The following PRRC2B variants were observed in gnomAD, a reference collection of about 807,000 sequenced individuals.
PRRC2B encodes protein PRRC2B.
PRRC2B carries 68 observed loss-of-function variants against 242.3 expected under a neutral mutation model. The observed-to-expected ratio is 0.28, with a 90% CI of 0.23 to 0.34. PRRC2B has a LOEUF of 0.34. PRRC2B is among the 10% of genes least tolerant of loss of function. The pLI, the probability that PRRC2B is intolerant of heterozygous loss-of-function variation, is 1.00. For missense variants in PRRC2B, 2,835 were observed against 2,954.8 expected (o/e 0.96, Z 0.94); for synonymous variants, 1,228 against 1,173.6 (o/e 1.05, Z -0.95).
chr9:131,420,469 C>T (rs185202996), intron 1 of PRRC2B, among the ~76,000 whole-genome samples: 1 of 10,668 alleles, frequency 9.4e-5, no homozygotes, highest in Non-Finnish European at 3.1e-4. Flanking sequence ...TTCTTTCTTT[C>T]TTTCTTTCTT....
chr9:131,472,398 G>A (rs910097720), intron 14 of PRRC2B, among the ~76,000 whole-genome samples: 6 of 151,930 alleles, frequency 3.9e-5, no homozygotes, highest in Admixed American at 2.0e-4. Flanking sequence ...TCCGCCTCCC[G>A]GGTTCAAGCG....
Position 131,487,155 on chromosome 9 carries a change from T to G in PRRC2B, c.5857-12T>G, listed in dbSNP as rs561064299. ...TGCGGTTACCTCCCCGACCCCGTTT[T>G]CCCGTTCACAGGCCGCCGCTGCCCA... On this transcript the variant is annotated splice_polypyrimidine_tract_variant and intron_variant, in intron 26 of 31. Transcript: ENST00000683519. This position sits in a 1 kb window ranked among gnomAD's most constrained non-coding sequence, Gnocchi z 5.3. 2 of 1,613,062 alleles carry G rather than the reference T, an allele frequency of 1.2e-6. No individual in the cohort carries two copies. The highest frequency in any genetic ancestry group is 3.3e-5 in the Admixed American group (2 of 59,994).
chr9:131,398,960 A>C (rs1837143797), intron 1 of PRRC2B, among the ~76,000 whole-genome samples: 1 of 152,108 alleles, frequency 6.6e-6, no homozygotes, highest in South Asian at 2.1e-4. Flanking sequence ...CCTGGGCGAC[A>C]GAGTGAGACC....
intron 9 of PRRC2B, 97 bp from the exon 10 acceptor site, chr9:131,454,979 C>T (rs961242493): frequency 2.0e-5 from 18 of 894,932 alleles, no homozygotes; most frequent in Middle Eastern, 2.8e-4. Flanking sequence ...ACCTCAGCCT[C>T]GCAAAGTACT....
intron 1 of PRRC2B, among the ~76,000 whole-genome samples, chr9:131,395,478 C>T (rs1392312957): frequency 6.6e-6 from 1 of 152,118 alleles, no homozygotes; most frequent in Non-Finnish European, 1.5e-5. Flanking sequence ...TTCTTTCTTC[C>T]GTAAACCTAG....
intron 6 of PRRC2B, among the ~76,000 whole-genome samples, chr9:131,445,577 C>T (rs558091672): frequency 1.1e-4 from 16 of 152,342 alleles, no homozygotes; most frequent in African/African-American, 3.6e-4. Flanking sequence ...AGTTTAATCT[C>T]CTCATTGGAG....
rs760426470 is a variant in PRRC2B, at chr9:131,477,779, G to A, written c.4442G>A (p.Gly1481Asp). The part of the protein sequence containing the change: ...PDEALPGGLS[G>D]CSSGSGHSPY... ...GAGGCCTTGCCTGGAGGTCTTAGTG[G>A]CTGCAGCAGTGGGAGTGGCCACTCC... Residue 1481 changes from glycine to aspartate, a missense_variant, in exon 17 of 32, where the codon GGC becomes GAC. Coordinates refer to ENST00000683519, the MANE Select transcript of PRRC2B (RefSeq NM_013318.4). The A allele has an allele frequency of 2.5e-6, 4 of 1,610,410 alleles. No individual in the cohort carries two copies. The highest frequency in any genetic ancestry group is 3.3e-5 in the Admixed American group (2 of 59,954).
At chr9:131,376,231 G>A (rs952806979) in intron 1 of PRRC2B, among the ~76,000 whole-genome samples, 2 of 151,684 alleles carry the variant, frequency 1.3e-5, no homozygotes, top group African/African-American at 4.8e-5. Context: ...GCGCGCGTCT[G>A]TAATCCCAGC....
In PRRC2B at chr9:131,481,658, T is replaced by G. The variant is rs997870321; in HGVS notation, c.4901-68T>G. ...GCAAGCTGTGCCTGTGCTTGTTCTT[T>G]AAGAGCTCATAAACTCTCTAGACGG... is the stretch of plus-strand genomic sequence containing the variant. On this transcript the variant is annotated intron_variant, in intron 19 of 31. Transcript: ENST00000683519. 7.8e-6 allele frequency: 10 copies of G among 1,274,060 alleles called. No homozygotes were observed. The South Asian group carries it at 8.9e-5, about 11-fold the overall frequency. 78.9% of individuals were successfully genotyped at this position (1,274,060 alleles called of 1,614,324 possible). A position where few individuals can be genotyped will look rare whatever the true frequency, so the allele number is the denominator to read the frequency against.
At chr9:131,474,125 T>G (rs1943619899) in intron 15 of PRRC2B, among the ~76,000 whole-genome samples, 1 of 152,154 alleles carries the variant, frequency 6.6e-6, no homozygotes, top group Admixed American at 6.5e-5. Context: ...TCTTGCTCTT[T>G]GACCCGGAGG....
At chr9:131,403,687 A>T (rs1440946637) in intron 1 of PRRC2B, among the ~76,000 whole-genome samples, 3 of 151,590 alleles carry the variant, frequency 2.0e-5, no homozygotes, top group African/African-American at 7.3e-5. Context: ...AAACAAAATT[A>T]AAAGCCAAGT....
intron 1 of PRRC2B, among the ~76,000 whole-genome samples, chr9:131,424,862 G>A (rs1284298064): frequency 6.6e-6 from 1 of 152,184 alleles, no homozygotes; most frequent in Non-Finnish European, 1.5e-5. Context: ...ATATTTGTTG[G>A]GTGGTTGAAT....
chr9:131,419,769 A>G (rs1009680429), intron 1 of PRRC2B, among the ~76,000 whole-genome samples: 3 of 151,994 alleles, frequency 2.0e-5, no homozygotes, highest in African/African-American at 7.3e-5. Flanking sequence ...GCGAGATGCA[A>G]ACCCAGTGTT....
chr9:131,446,519 G>C lies in PRRC2B; in HGVS notation c.732G>C (p.Ser244=), dbSNP rs778051277. Residue 244 remains serine, a synonymous_variant, in exon 7 of 32, where the codon TCG becomes TCC. Coordinates refer to ENST00000683519, the MANE Select transcript of PRRC2B (RefSeq NM_013318.4). The surrounding 1 kb of genome is among the most constrained non-coding windows in gnomAD (Gnocchi z 4.1). ...NSSTGDGAPS[S]ACTSDSKDPS... ...GTACGGGAGATGGAGCCCCCTCCTC[G>C]GCATGTACCAGCGATTCTAAGGACC... 2.5e-6 allele frequency: 4 copies of C among 1,613,726 alleles called. No homozygotes were observed. Among genetic ancestry groups the C allele is most frequent in the Non-Finnish European group, 3.4e-6 (4 of 1,179,862 alleles).
At chr9:131,476,845 G>C (rs557091768) in intron 16 of PRRC2B, among the ~76,000 whole-genome samples, 2 of 152,170 alleles carry the variant, frequency 1.3e-5, no homozygotes, top group Non-Finnish European at 2.9e-5. Flanking sequence ...GAGGAACGTT[G>C]CCTGTGCACA....
chr9:131,495,547 G>C (rs1421993102), intron 31 of PRRC2B, among the ~76,000 whole-genome samples, 193 bp from the exon 32 acceptor site: 1 of 152,164 alleles, frequency 6.6e-6, no homozygotes, highest in Non-Finnish European at 1.5e-5. Context: ...TATGGGGAGG[G>C]AGCAGAGACG....
At chr9:131,465,178 G>A (rs1943357086) in intron 12 of PRRC2B, 100 bp downstream of exon 12, 3 of 1,163,972 alleles carry the variant, frequency 2.6e-6, no homozygotes, top group Non-Finnish European at 3.6e-6. Context: ...AGAACGTATG[G>A]CTTACAACGA....
intron 3 of PRRC2B, among the ~76,000 whole-genome samples, chr9:131,435,765 A>G (rs989572290): frequency 3.3e-5 from 5 of 152,216 alleles, no homozygotes; most frequent in South Asian, 2.1e-4. Context: ...ATCCGTTTCT[A>G]TGTTGATGAA....
At chr9:131,464,656 G>T in intron 11 of PRRC2B, 107 bp from the exon 12 acceptor site, 1 of 976,162 alleles carries the variant, frequency 1.0e-6, no homozygotes, top group Non-Finnish European at 1.5e-6. Flanking sequence ...GCTGCCTCTT[G>T]AAGGTGCTTG....
Sources: gnomAD v4.1 joint callset for allele counts (sites outside exome capture counted in the v4.1 genomes callset) on GRCh38, gnomAD v4.1.1 for gene constraint, Gnocchi (gnomAD v3.1) non-coding constraint, MANE v1.5 for transcripts, NCBI Gene and HGNC (gene_info 2026-07-23, HGNC 2026-07-21) for gene names.